The following SLC14A2 variants were observed in gnomAD, a reference collection of about 807,000 sequenced individuals.
SLC14A2 encodes the protein solute carrier family 14 member 2, also known as urea transporter 2.
A neutral mutation model predicts 104.6 loss-of-function variants in SLC14A2; 91 were observed. The ratio of observed to expected loss-of-function variants is 0.87; its 90% CI spans 0.73 to 1.04. The LOEUF is 1.04. SLC14A2 is among the 50% of genes least tolerant of loss of function. The pLI, the probability that SLC14A2 is intolerant of heterozygous loss-of-function variation, is 0.00. For synonymous variants in SLC14A2, 476 were observed against 466.4 expected (o/e 1.02, Z -0.27); for missense variants, 1,189 against 1,156.0 (o/e 1.03, Z -0.41).
chr18:45,264,395 C>T (rs965322563), intron 1 of SLC14A2, among the ~76,000 whole-genome samples: 4 of 152,184 alleles, frequency 2.6e-5, no homozygotes, highest in African/African-American at 7.2e-5. Context: ...GAATTATTAA[C>T]CCATACTCTT....
chr18:45,653,721 C>T (rs768418969), intron 10 of SLC14A2, among the ~76,000 whole-genome samples: 4 of 152,008 alleles, frequency 2.6e-5, no homozygotes, highest in Non-Finnish European at 5.9e-5. Flanking sequence ...CCCCAGGACC[C>T]CAGTCAGCAG....
chr18:45,284,939 A>C (rs960447661), intron 1 of SLC14A2, among the ~76,000 whole-genome samples: 2 of 152,220 alleles, frequency 1.3e-5, no homozygotes, highest in Admixed American at 6.5e-5. Context: ...CCTGTTCAGA[A>C]GAGAGGGAAT....
the SLC14A2 span, among the ~76,000 whole-genome samples, chr18:45,204,169 C>A: frequency 7.4e-4 from 112 of 152,216 alleles, 1 homozygote; most frequent in African/African-American, 2.6e-3. Flanking sequence ...ATAAAAAAAT[C>A]TAAGAGGAAT....
At chr18:45,431,022 G>T (rs948925080) in intron 1 of SLC14A2, among the ~76,000 whole-genome samples, 1 of 152,150 alleles carries the variant, frequency 6.6e-6, no homozygotes, top group Admixed American at 6.5e-5. Context: ...CAGGATCCAG[G>T]CATGAGATAA....
intron 1 of SLC14A2, among the ~76,000 whole-genome samples, chr18:45,294,688 G>A (rs1219931934): frequency 2.6e-5 from 4 of 152,134 alleles, no homozygotes; most frequent in Non-Finnish European, 5.9e-5. Flanking sequence ...AATATATTTG[G>A]CTGCACAATA....
chr18:45,290,583 T>G (rs971217728), intron 1 of SLC14A2, among the ~76,000 whole-genome samples: 3 of 152,176 alleles, frequency 2.0e-5, no homozygotes, highest in Admixed American at 2.0e-4. Flanking sequence ...ACCAGCCCCA[T>G]GTGACTAAGA....
intron 2 of SLC14A2, chr18:45,529,748 T>C (rs932630954): frequency 6.6e-6 from 1 of 152,148 alleles, no homozygotes; most frequent in Admixed American, 6.5e-5. Flanking sequence ...ACTTCACATG[T>C]TCTCTTTAGC....
Position 45,644,113 on chromosome 18 carries a change from T to A in SLC14A2, c.1304T>A (p.Ile435Asn). Reference sequence around the variant, plus strand: ...GTCACCTACCCCGAGGCCAACCGCATCTACTACCTGACAGTGAAAAGCGGT... The same window carrying A: ...GTCACCTACCCCGAGGCCAACCGCAACTACTACCTGACAGTGAAAAGCGGT... The part of the protein sequence containing the change: ...SKVTYPEANR[I>N]YYLTVKSGEE... The change falls in exon 10 of 20, where the codon ATC (isoleucine) becomes AAC (asparagine). Residue 435 changes from isoleucine (I) to asparagine (N), a missense_variant. Transcript: ENST00000255226. 1.9e-6 allele frequency: 3 copies of A among 1,614,198 alleles called. No homozygotes were observed. Among genetic ancestry groups the A allele is most frequent in the Non-Finnish European group, 2.5e-6 (3 of 1,180,022 alleles).
the SLC14A2 span, among the ~76,000 whole-genome samples, chr18:45,175,353 G>T: frequency 6.6e-6 from 1 of 150,960 alleles, no homozygotes; most frequent in Non-Finnish European, 1.5e-5. Flanking sequence ...TTTTAAAAAG[G>T]TAAAAAAAAG....
intron 1 of SLC14A2, among the ~76,000 whole-genome samples, chr18:45,419,240 G>A (rs773457707): frequency 1.2e-4 from 18 of 152,080 alleles, no homozygotes; most frequent in Non-Finnish European, 1.8e-4. Context: ...GAATTGTGCC[G>A]GGAACCCAGG....
At chr18:45,494,971 C>T (rs2043068548) in intron 2 of SLC14A2, among the ~76,000 whole-genome samples, 1 of 150,586 alleles carries the variant, frequency 6.6e-6, no homozygotes, top group African/African-American at 2.4e-5. Context: ...ATAATATAAG[C>T]TTTGGGATAG....
intron 2 of SLC14A2, chr18:45,485,129 C>T (rs1432166869): frequency 6.6e-6 from 1 of 152,162 alleles, no homozygotes; most frequent in Non-Finnish European, 1.5e-5. Context: ...TCGCTATGAT[C>T]ATATCTATTT....
At chr18:45,452,207 G>T (rs1286843891) in intron 1 of SLC14A2, among the ~76,000 whole-genome samples, 3 of 152,170 alleles carry the variant, frequency 2.0e-5, no homozygotes, top group African/African-American at 7.2e-5. Flanking sequence ...ACTCAGAGAT[G>T]CCTGCATTTG....
the SLC14A2 span, among the ~76,000 whole-genome samples, chr18:45,203,840 G>A: frequency 2.6e-5 from 4 of 152,306 alleles, no homozygotes; most frequent in East Asian, 5.8e-4. Context: ...AATGAATTAT[G>A]CAGTCTTGCC....
At chr18:45,298,140 C>CT (rs956913497) in intron 1 of SLC14A2, among the ~76,000 whole-genome samples, 1 of 146,878 alleles carries the variant, frequency 6.8e-6, no homozygotes, top group Non-Finnish European at 1.5e-5. Context: ...ACATAAGCAT[C>CT]TTTTTAAAAA....
chr18:45,481,175 A>C (rs938389178), intron 1 of SLC14A2, among the ~76,000 whole-genome samples: 2 of 152,082 alleles, frequency 1.3e-5, no homozygotes, highest in Non-Finnish European at 2.9e-5. Context: ...TCCCCAGGCC[A>C]GGTTTTGGAG....
chr18:45,318,391 G>A (rs1259406957), intron 1 of SLC14A2, among the ~76,000 whole-genome samples: 3 of 152,210 alleles, frequency 2.0e-5, no homozygotes, highest in African/African-American at 7.2e-5. Context: ...AGCTTCTGCT[G>A]AGAGGAAGGG....
chr18:45,672,846 T>A, intron 16 of SLC14A2, 54 bp from the exon 17 acceptor site: 1 of 1,547,294 alleles, frequency 6.5e-7, no homozygotes, highest in Non-Finnish European at 8.8e-7. Context: ...GCAGCCAAGG[T>A]CAAGTTGTCT....
At chr18:45,648,195 C>CTTTTTT (rs59843067) in intron 10 of SLC14A2, among the ~76,000 whole-genome samples, 18 of 101,240 alleles carry the variant, frequency 1.8e-4, no homozygotes, top group African/African-American at 3.9e-4. Flanking sequence ...CTAGTTAATG[C>CTTTTTT]TTTTTTTTTT....
Sources: allele counts gnomAD v4.1 joint callset (sites outside exome capture counted in the v4.1 genomes callset), GRCh38; gene constraint gnomAD v4.1.1; transcripts MANE v1.5; gene names NCBI Gene and HGNC (gene_info 2026-07-23, HGNC 2026-07-21).